PRKDC: variants seen among roughly 807,000 people sequenced by gnomAD.
The protein encoded by PRKDC is DNA-dependent protein kinase catalytic subunit.
Under a neutral mutation model 486.9 loss-of-function variants are expected in PRKDC, and 82 were observed. The ratio of observed to expected loss-of-function variants is 0.17; its 90% CI spans 0.14 to 0.20. PRKDC has a LOEUF of 0.20. Ranked by LOEUF, PRKDC falls within the 10% of genes least tolerant of loss-of-function variation. The pLI, the probability that PRKDC is intolerant of heterozygous loss-of-function variation, is 1.00. For missense variants in PRKDC, 4,504 were observed against 5,038.2 expected (o/e 0.89, Z 3.21); for synonymous variants, 1,895 against 1,837.0 (o/e 1.03, Z -0.81).
chr8:47,816,961 T>C (rs754944611), intron 68 of PRKDC, among the ~76,000 whole-genome samples: 1 of 152,156 alleles, frequency 6.6e-6, no homozygotes, highest in Non-Finnish European at 1.5e-5. Flanking sequence ...ACCTGCCCTA[T>C]GGATTCCACA....
Position 47,836,327 on chromosome 8 carries a change from G to C in PRKDC, c.7951+11C>G. 1 of 1,551,966 alleles carries C rather than the reference G, an allele frequency of 6.4e-7. No individual in the cohort carries two copies. The highest frequency in any genetic ancestry group is 8.7e-7 in the Non-Finnish European group (1 of 1,146,146). On this transcript the variant is annotated intron_variant, in intron 58 of 85. Coordinates refer to ENST00000314191, the MANE Select transcript of PRKDC (RefSeq NM_006904.7). Reference sequence around the variant, plus strand: ...GCTGTATACATGGCCAGCGGGCAGGGTCACTGTTACCTGCAGTCTGTGTCA... The same window carrying C: ...GCTGTATACATGGCCAGCGGGCAGGCTCACTGTTACCTGCAGTCTGTGTCA...
intron 18 of PRKDC, 118 bp downstream of exon 18, chr8:47,929,735 G>T: frequency 1.8e-6 from 2 of 1,141,800 alleles, no homozygotes; most frequent in Non-Finnish European, 2.4e-6. Context: ...TAAACACATA[G>T]AATAAAATTA....
intron 26 of PRKDC, among the ~76,000 whole-genome samples, chr8:47,904,021 C>T (rs1383192086): frequency 6.6e-6 from 1 of 152,046 alleles, no homozygotes; most frequent in Non-Finnish European, 1.5e-5. Context: ...CAGGGCTGTG[C>T]AGGAGACATA....
intron 50 of PRKDC, 48 bp from the exon 51 acceptor site, chr8:47,854,262 G>A (rs8178160): frequency 1.2e-5 from 19 of 1,588,202 alleles, no homozygotes; most frequent in African/African-American, 2.7e-5. Flanking sequence ...GCATAATCAA[G>A]TAAGAAGCAG....
At position 47,889,100 on chromosome 8, in the gene PRKDC, A is replaced by G; in HGVS notation, c.4194T>C (p.Val1398=). 6.2e-7 allele frequency: 1 copy of G among 1,613,968 alleles called. No individual in the cohort carries two copies. Among genetic ancestry groups the G allele is most frequent in the Non-Finnish European group, 8.5e-7 (1 of 1,179,898 alleles). ...DVQVMAHLPD[V]CVNLMKALKM... ...TTAGAGCTTTCATCAGATTCACACA[A>G]ACATCAGGAAGATGAGCCATAACCT... The change falls in exon 33 of 86, where the codon GTT becomes GTC. Residue 1398 remains valine, a synonymous_variant. Coordinates refer to ENST00000314191, the MANE Select transcript of PRKDC (RefSeq NM_006904.7).
chr8:47,852,350 T>C lies in PRKDC; in HGVS notation c.7005+323A>G, dbSNP rs1044155434. Among the ~76,000 whole-genome samples the C allele has an allele frequency of 3.3e-5, 5 of 152,208 alleles. No individual in the cohort carries two copies. In the South Asian group the frequency reaches 1.0e-3, roughly 32 times the overall value. ...GGACAGCAGCTATCTACCAGGACAA[T>C]TTCCTCCACAAGGAAATCCTGAGAC... On this transcript the variant is annotated intron_variant, in intron 52 of 85. Coordinates refer to ENST00000314191, the MANE Select transcript of PRKDC (RefSeq NM_006904.7).
At chr8:47,908,741 G>C (rs1192478109) in intron 25 of PRKDC, among the ~76,000 whole-genome samples, 1 of 152,046 alleles carries the variant, frequency 6.6e-6, no homozygotes, top group African/African-American at 2.4e-5. Flanking sequence ...TTTTATCTTT[G>C]AACATTTTAA....
intron 43 of PRKDC, 89 bp from the exon 44 acceptor site, chr8:47,862,216 T>C (rs1394874171): frequency 1.5e-6 from 2 of 1,378,680 alleles, no homozygotes; most frequent in African/African-American, 2.9e-5. Context: ...ATGTAATAGC[T>C]CATGGAAAAG....
At chr8:47,855,472 AG>A (rs2088514662) in intron 49 of PRKDC, 99 bp from the exon 50 acceptor site, 1 of 1,262,326 alleles carries the variant, frequency 7.9e-7, no homozygotes, top group Non-Finnish European at 1.1e-6. Context: ...GGCATTTTAC[AG>A]GAGTCCGGCT....
chr8:47,862,481 TCTC>T lies in PRKDC; in HGVS notation c.5808_5810del (p.Arg1938del). 3.1e-6 allele frequency: 5 copies of T among 1,613,880 alleles called. No individual in the cohort carries two copies. The highest frequency in any genetic ancestry group is 4.2e-6 in the Non-Finnish European group (5 of 1,179,814). On this transcript the variant is annotated inframe_deletion, in exon 43 of 86. Coordinates refer to ENST00000314191, the MANE Select transcript of PRKDC (RefSeq NM_006904.7). ...TGTATGCTGCACAATGGTAAAGTCT[TCTC>T]CTCTCCAGCAGCTGATTCTCTCCTG... is the stretch of plus-strand genomic sequence containing the variant.
chr8:47,911,757 A>G (rs1036602601), intron 25 of PRKDC, among the ~76,000 whole-genome samples: 1 of 151,680 alleles, frequency 6.6e-6, no homozygotes, highest in Non-Finnish European at 1.5e-5. Context: ...AGCCATAGCT[A>G]TTTTTTATTT....
intron 51 of PRKDC, 132 bp downstream of exon 51, chr8:47,853,951 G>A (rs1041231522): frequency 5.9e-6 from 7 of 1,177,696 alleles, no homozygotes; most frequent in Non-Finnish European, 8.4e-6. Flanking sequence ...ACAGGCATGA[G>A]CCACCGTGCC....
chr8:47,817,570 A>G lies in PRKDC; in HGVS notation c.9446-9T>C, dbSNP rs747255560. 6.6e-7 allele frequency: 1 copy of G among 1,522,834 alleles called. No individual in the cohort carries two copies. The highest frequency in any genetic ancestry group is 9.0e-7 in the Non-Finnish European group (1 of 1,107,028). 94.3% of individuals were successfully genotyped at this position (1,522,834 alleles called of 1,614,324 possible). On this transcript the variant is annotated splice_polypyrimidine_tract_variant and intron_variant, in intron 67 of 85. Transcript: ENST00000314191. ...TTGAGATGATAAATTGCCTAAAAAT[A>G]GTATTAGAGGGTGACTATACACACA...
In PRKDC at chr8:47,953,648, C is replaced by G. The variant is rs751059836; in HGVS notation, c.693G>C (p.Leu231=). ...CTTCCATGGACTTAGTGAAGTTGCA[C>G]AGAAGTGAGGACAACCCCTTCAGAC... ...AGCLKGLSSL[L]CNFTKSMEED... is the part of the protein sequence containing the mutation. Residue 231 remains leucine, a synonymous_variant, in exon 7 of 86, where the codon CTG becomes CTC. Transcript: ENST00000314191. The G allele has an allele frequency of 6.2e-7, 1 of 1,613,480 alleles. No homozygotes were observed. The highest frequency in any genetic ancestry group is 8.5e-7 in the Non-Finnish European group (1 of 1,179,704).
intron 30 of PRKDC, among the ~76,000 whole-genome samples, chr8:47,896,068 TG>T (rs1205744180): frequency 1.3e-5 from 2 of 152,176 alleles, no homozygotes; most frequent in Admixed American, 6.5e-5. Context: ...TAAATGCTAA[TG>T]TTTTTTAAAC....
At chr8:47,952,931 G>T (rs909093421) in intron 7 of PRKDC, among the ~76,000 whole-genome samples, 3 of 151,480 alleles carry the variant, frequency 2.0e-5, no homozygotes, top group Non-Finnish European at 4.4e-5. Context: ...TTTGAGGTCA[G>T]GAGTTCGAAA....
intron 32 of PRKDC, among the ~76,000 whole-genome samples, chr8:47,889,529 C>T (rs774026879): frequency 3.9e-5 from 6 of 152,238 alleles, no homozygotes; most frequent in Non-Finnish European, 8.8e-5. Flanking sequence ...AGGGTTTCCC[C>T]GCCCCTGACT....
intron 52 of PRKDC, among the ~76,000 whole-genome samples, chr8:47,851,360 A>T (rs1469375500): frequency 2.6e-5 from 4 of 152,242 alleles, no homozygotes; most frequent in Admixed American, 2.6e-4. Flanking sequence ...GTTCTACTGA[A>T]TTTTAAAAAT....
At chr8:47,806,837 G>A (rs2087223265) in intron 69 of PRKDC, among the ~76,000 whole-genome samples, 1 of 152,118 alleles carries the variant, frequency 6.6e-6, no homozygotes, top group South Asian at 2.1e-4. Context: ...GAGGCTTTCT[G>A]GAGAGTTTTG....
Sources: gnomAD v4.1 joint callset for allele counts (sites outside exome capture counted in the v4.1 genomes callset) on GRCh38, gnomAD v4.1.1 for gene constraint, MANE v1.5 for transcripts, NCBI Gene and HGNC (gene_info 2026-07-23, HGNC 2026-07-21) for gene names.